MYH9: variants seen among roughly 807,000 people sequenced by gnomAD.
The protein encoded by MYH9 is myosin-9.
In MYH9, 29 loss-of-function variants were observed where a neutral mutation model predicts 241.9. That is an observed-to-expected ratio of 0.12 (90% CI 0.09 to 0.16). The LOEUF is 0.16. Among genes scored for constraint, MYH9 ranks in the 10% least tolerant of loss-of-function variants. The probability of loss-of-function intolerance (pLI) is 1.00; values close to 1 mark genes in which losing one functional copy is unlikely to be tolerated. For synonymous variants in MYH9, 1,047 were observed against 1,062.6 expected, an observed-to-expected ratio of 0.99 and a Z score of 0.29; for missense variants, 1,803 against 2,595.5, an observed-to-expected ratio of 0.69 and a Z score of 6.63.
At position 36,292,157 on chromosome 22, in the gene MYH9, C is replaced by T. The variant is rs751773075; in HGVS notation, c.4173G>A (p.Gln1391=). 1.2e-6 allele frequency: 2 copies of T among 1,614,114 alleles called. No homozygotes were observed. Among genetic ancestry groups the T allele is most frequent in the East Asian group, 2.2e-5 (1 of 44,900 alleles). The change falls in exon 31 of 41, where the codon CAG becomes CAA. Residue 1391 remains glutamine, a synonymous_variant. Transcript: ENST00000216181. Reference sequence around the variant, plus strand: ...GCTGGCTCAGGCCCTCCAGGTCCTTCTGGAGCTTCCTCTTCACCTCCTCAG... The same window carrying T: ...GCTGGCTCAGGCCCTCCAGGTCCTTTTGGAGCTTCCTCTTCACCTCCTCAG... The part of the protein sequence containing the change: ...ETAEEVKRKL[Q]KDLEGLSQRH...
In MYH9 at chr22:36,384,445, T is replaced by C. The variant is rs57147958; in HGVS notation, c.-20+3362A>G. Reference sequence around the variant, plus strand: ...TACAGATATAAAAACTAGTGGGGTGTGGTGGTGGGCACCTGTAATCCCAGC... The same window carrying C: ...TACAGATATAAAAACTAGTGGGGTGCGGTGGTGGGCACCTGTAATCCCAGC... On this transcript the variant is annotated intron_variant, in intron 1 of 40. Transcript: ENST00000216181. Among the ~76,000 whole-genome samples, 3 of 148,878 alleles carry C rather than the reference T, an allele frequency of 2.0e-5. No individual in the cohort carries two copies. The East Asian group carries it at 5.9e-4, about 29-fold the overall frequency.
Position 36,288,828 on chromosome 22 carries a change from G to T in MYH9, c.4669C>A (p.Arg1557=). The change falls in exon 33 of 41, where the codon CGG becomes AGG. Residue 1557 remains arginine (R), a synonymous_variant. Coordinates refer to ENST00000216181, the MANE Select transcript of MYH9 (RefSeq NM_002473.6). This position sits in a 1 kb window ranked among gnomAD's most constrained non-coding sequence, Gnocchi z 4.8. ...ELQATEDAKL[R]LEVNLQAMKA... ...ATGGCCTGCAGGTTGACCTCCAACC[G>T]CAGCTTGGCATCTTCGGTGGCCTGC... The T allele has an allele frequency of 1.2e-6, 2 of 1,613,534 alleles. No individual in the cohort carries two copies. Among genetic ancestry groups the T allele is most frequent in the South Asian group, 1.1e-5 (1 of 91,076 alleles).
chr22:36,324,473 C>T (rs2017304848), intron 5 of MYH9, among the ~76,000 whole-genome samples: 1 of 152,226 alleles, frequency 6.6e-6, no homozygotes, highest in African/African-American at 2.4e-5. Flanking sequence ...GTTCAGGATC[C>T]GGGCATCTGC....
chr22:36,294,085 G>C lies in MYH9; in HGVS notation c.3837+7C>G. ...TGCCCGCGCCAGGGTCCTGGCGGAG[G>C]CCTCACCTGCAGCTTGGTGACCTTG... On this transcript the variant is annotated splice_region_variant and intron_variant, in intron 28 of 40. Transcript: ENST00000216181. 2 of 1,607,362 alleles carry C rather than the reference G, an allele frequency of 1.2e-6. No homozygotes were observed. Among genetic ancestry groups the C allele is most frequent in the Non-Finnish European group, 1.7e-6 (2 of 1,179,982 alleles).
At chr22:36,302,782 G>T (rs1465053426) in intron 19 of MYH9, 106 bp from the exon 20 acceptor site, 1 of 940,984 alleles carries the variant, frequency 1.1e-6, no homozygotes, top group African/African-American at 1.6e-5. Flanking sequence ...CTTGCCTGGG[G>T]CACCTCAAGA....
intron 13 of MYH9, 60 bp from the exon 14 acceptor site, chr22:36,312,282 CAAG>C: frequency 1.3e-6 from 2 of 1,569,898 alleles, no homozygotes; most frequent in East Asian, 4.5e-5. Flanking sequence ...CCCCACCCTT[CAAG>C]AAGCCAAAGC....
At chr22:36,362,249 C>T (rs1370675269) in intron 1 of MYH9, among the ~76,000 whole-genome samples, 1 of 152,140 alleles carries the variant, frequency 6.6e-6, no homozygotes, top group Non-Finnish European at 1.5e-5. Context: ...ACAAGTGCAG[C>T]CATAGACTTT....
intron 3 of MYH9, among the ~76,000 whole-genome samples, chr22:36,338,512 T>C (rs990828368): frequency 6.6e-6 from 1 of 151,978 alleles, no homozygotes; most frequent in Non-Finnish European, 1.5e-5. Flanking sequence ...CTATCCCTGG[T>C]CTCCAAAAGA....
At chr22:36,344,112 C>T (rs962628650) in intron 2 of MYH9, among the ~76,000 whole-genome samples, 2 of 152,260 alleles carry the variant, frequency 1.3e-5, no homozygotes, top group African/African-American at 4.8e-5. Context: ...CCCGTCAAAG[C>T]AGTGATGATG....
At chr22:36,380,305 A>AC (rs1360222143) in intron 1 of MYH9, among the ~76,000 whole-genome samples, 2 of 151,704 alleles carry the variant, frequency 1.3e-5, no homozygotes, top group African/African-American at 4.8e-5. Flanking sequence ...CATTCAAAAC[A>AC]CCCCTCTGAT....
In MYH9 at chr22:36,284,779, C is replaced by G. The variant is rs2071733; in HGVS notation, c.5484-268G>C. On this transcript the variant is annotated intron_variant, in intron 38 of 40. Coordinates refer to ENST00000216181, the MANE Select transcript of MYH9 (RefSeq NM_002473.6). ...ACTGGAAAAGAGGTCTGGGGGCCTA[C>G]TGTAAACCCCATTCCCTCCAAGGAA... Among the ~76,000 whole-genome samples the G allele has an allele frequency of 0.71, 107,783 of 152,028 alleles. 39,361 individuals are homozygous for G. Among genetic ancestry groups the G allele is most frequent in the African/African-American group, 0.87 (36,130 of 41,506 alleles).
chr22:36,338,633 C>T lies in MYH9; in HGVS notation c.490+2737G>A, dbSNP rs2017535979. 2.0e-5 allele frequency among the ~76,000 whole-genome samples: 3 copies of T among 152,024 alleles called. No individual in the cohort carries two copies. In the South Asian group the frequency reaches 6.2e-4, roughly 32 times the overall value. On this transcript the variant is annotated intron_variant, in intron 3 of 40. Transcript: ENST00000216181. ...AGGAGTTCAAGACCAGCCTGACCAA[C>T]ATGGTGAAACCCCGTCTCTACTAAA...
intron 13 of MYH9, among the ~76,000 whole-genome samples, chr22:36,313,839 G>A (rs2017106973): frequency 6.6e-6 from 1 of 152,196 alleles, no homozygotes; most frequent in Non-Finnish European, 1.5e-5. Context: ...GCCTTCAGGA[G>A]GATGCTGGGT....
At chr22:36,384,798 T>G (rs4821487) in intron 1 of MYH9, among the ~76,000 whole-genome samples, 150,645 of 151,468 alleles carry the variant, frequency 0.99, 74,915 homozygotes, top group East Asian at 1. Context: ...CACAAAGCTA[T>G]TAAGTAGCAT....
chr22:36,371,375 C>T (rs1479928357), intron 1 of MYH9, among the ~76,000 whole-genome samples: 2 of 152,172 alleles, frequency 1.3e-5, no homozygotes, highest in African/African-American at 2.4e-5. Context: ...ACACAGTTGG[C>T]AGACGGCCAT....
intron 1 of MYH9, among the ~76,000 whole-genome samples, chr22:36,373,761 A>G (rs140930489): frequency 0.019 from 2,893 of 152,328 alleles, 34 homozygotes; most frequent in Non-Finnish European, 0.027. Flanking sequence ...ATGAATTTCC[A>G]AGACTCAATA....
Position 36,295,039 on chromosome 22 carries a change from T to C in MYH9, c.3523A>G (p.Thr1175Ala), listed in dbSNP as rs2016767217. The part of the protein sequence containing the change: ...REQEVNILKK[T>A]LEEEAKTHEA... ...TGGGTCTTGGCCTCCTCCTCCAGGG[T>C]CTTCTTCAGGATGTTCACCTCCTGC... The change falls in exon 27 of 41, where the codon ACC (threonine) becomes GCC (alanine). Residue 1175 changes from threonine (T) to alanine (A), a missense_variant. This residue lies in a region of MYH9 where 876 missense variants were observed against 1,077.8 expected (regional missense o/e 0.81). Coordinates refer to ENST00000216181, the MANE Select transcript of MYH9 (RefSeq NM_002473.6). This position sits in a 1 kb window ranked among gnomAD's most constrained non-coding sequence, Gnocchi z 4.1. 2 of 1,614,028 alleles carry C rather than the reference T, an allele frequency of 1.2e-6. No individual in the cohort carries two copies. The highest frequency in any genetic ancestry group is 1.7e-6 in the Non-Finnish European group (2 of 1,180,034).
chr22:36,358,545 C>T (rs1287870352), intron 1 of MYH9, among the ~76,000 whole-genome samples: 1 of 152,108 alleles, frequency 6.6e-6, no homozygotes, highest in Non-Finnish European at 1.5e-5. Context: ...GGTGGATGCA[C>T]CATCACACCT....
intron 6 of MYH9, 61 bp downstream of exon 6, chr22:36,322,368 G>A (rs1467161922): frequency 3.2e-6 from 5 of 1,566,328 alleles, no homozygotes; most frequent in Admixed American, 1.7e-5. Context: ...AAGGCAGCAT[G>A]AGCCAAAGCT....
Sources: gnomAD v4.1 joint callset for allele counts (sites outside exome capture counted in the v4.1 genomes callset) on GRCh38, gnomAD v4.1.1 for gene constraint, gnomAD v4.1.1 regional missense constraint, Gnocchi (gnomAD v3.1) non-coding constraint, MANE v1.5 for transcripts, NCBI Gene and HGNC (gene_info 2026-07-23, HGNC 2026-07-21) for gene names.